The following SPATA6L variants were observed in gnomAD, a reference collection of about 807,000 sequenced individuals.
SPATA6L encodes the protein spermatogenesis associated 6 like, also known as spermatogenesis associated 6-like protein.
Under a neutral mutation model 49.2 loss-of-function variants are expected in SPATA6L, and 68 were observed. The ratio of observed to expected loss-of-function variants is 1.38; its 90% confidence interval spans 1.14 to 1.69. The LOEUF (loss-of-function observed/expected upper bound fraction) is 1.69. SPATA6L is among the 40% of genes most tolerant of loss of function. The probability of loss-of-function intolerance (pLI) is 0.00; values close to 1 mark genes in which losing one functional copy is unlikely to be tolerated. For synonymous variants in SPATA6L, 198 were observed against 165.7 expected, an observed-to-expected ratio of 1.19 and a Z score of -1.50; for missense variants, 668 against 464.3, an observed-to-expected ratio of 1.44 and a Z score of -4.03.
chr9:4,626,445 C>T lies in SPATA6L; in HGVS notation c.430-879G>A, dbSNP rs914187676. 7 of 1,304,198 alleles carry T rather than the reference C, an allele frequency of 5.4e-6. No individual in the cohort carries two copies. The African/African-American group carries it at 1.1e-4, about 20-fold the overall frequency. The allele number at this position is 1,304,198 out of a possible 1,614,324, so 80.8% of individuals were successfully genotyped here. A position where few individuals can be genotyped will look rare whatever the true frequency, so the allele number is the denominator to read the frequency against. Reference sequence around the variant, plus strand: ...TCCCACCTTCGAATTCCTGAAGAAGCATCCAGGAAAGCAGCCCTTCTCCAG... The same window carrying T: ...TCCCACCTTCGAATTCCTGAAGAAGTATCCAGGAAAGCAGCCCTTCTCCAG... On this transcript the variant is annotated intron_variant, in intron 5 of 11. Coordinates refer to ENST00000682582, the MANE Select transcript of SPATA6L (RefSeq NM_001353486.2).
At chr9:4,628,180 A>G (rs1453100300) in intron 5 of SPATA6L, 1 of 199,464 alleles carries the variant, frequency 5.0e-6, no homozygotes, top group African/African-American at 2.4e-5. Flanking sequence ...AATAAGATCT[A>G]GTATTTGATA....
At chr9:4,649,908 C>G (rs554784950) in intron 3 of SPATA6L, among the ~76,000 whole-genome samples, 17 of 152,116 alleles carry the variant, frequency 1.1e-4, no homozygotes, top group Non-Finnish European at 2.2e-4. Flanking sequence ...TTTAAAGAGG[C>G]TTGAGAGAAT....
At chr9:4,638,038 C>T (rs886852867) in intron 3 of SPATA6L, among the ~76,000 whole-genome samples, 1 of 152,076 alleles carries the variant, frequency 6.6e-6, no homozygotes, top group Admixed American at 6.6e-5. Flanking sequence ...TGGATTTACA[C>T]TAGTGAAGAA....
At chr9:4,624,793 C>G (rs1304981726) in intron 6 of SPATA6L, among the ~76,000 whole-genome samples, 1 of 151,730 alleles carries the variant, frequency 6.6e-6, no homozygotes, top group East Asian at 1.9e-4. Flanking sequence ...TTGCCTACCA[C>G]TACCTGAGGA....
chr9:4,628,916 A>T (rs571938494), intron 5 of SPATA6L, 175 bp downstream of exon 5: 2 of 587,544 alleles, frequency 3.4e-6, no homozygotes, highest in Non-Finnish European at 6.0e-6. Context: ...ATACTCTAAT[A>T]TGACTGGCTG....
intron 1 of SPATA6L, chr9:4,665,101 C>T (rs1041524496): frequency 2.7e-4 from 45 of 167,088 alleles, no homozygotes; most frequent in Non-Finnish European, 6.5e-4. Context: ...GTTTTAGTTG[C>T]TGAGGCCTGA....
intron 1 of SPATA6L, chr9:4,664,539 C>G (rs967034595): frequency 6.0e-6 from 1 of 167,022 alleles, no homozygotes; most frequent in Non-Finnish European, 1.5e-5. Flanking sequence ...CCAAAGACCA[C>G]CAAACGCAGG....
At chr9:4,605,804 A>AG (rs2130122316) in intron 9 of SPATA6L, among the ~76,000 whole-genome samples, 1 of 152,290 alleles carries the variant, frequency 6.6e-6, no homozygotes, top group South Asian at 2.1e-4. Context: ...GTTTTCGGGG[A>AG]GAGCCAAGAT....
At chr9:4,606,078 C>G (rs183472383) in intron 9 of SPATA6L, among the ~76,000 whole-genome samples, 2 of 152,248 alleles carry the variant, frequency 1.3e-5, no homozygotes, top group East Asian at 3.9e-4. Flanking sequence ...CGGGTCACTC[C>G]CACCCAAATA....
chr9:4,643,718 A>T (rs561184606), intron 3 of SPATA6L, among the ~76,000 whole-genome samples: 1 of 152,264 alleles, frequency 6.6e-6, no homozygotes, highest in South Asian at 2.1e-4. Flanking sequence ...CAAAATAATG[A>T]TGTAGGCCGG....
At chr9:4,648,750 C>T (rs140844228) in intron 3 of SPATA6L, among the ~76,000 whole-genome samples, 3,956 of 143,310 alleles carry the variant, frequency 0.028, 162 homozygotes, top group African/African-American at 0.097. Context: ...TAGTGGTGAT[C>T]TGTGAGATTT....
chr9:4,663,454 T>A, intron 1 of SPATA6L: 1 of 621,370 alleles, frequency 1.6e-6, no homozygotes, highest in Non-Finnish European at 2.8e-6. Flanking sequence ...ACAGCCATAT[T>A]AGGGAAAGCA....
intron 3 of SPATA6L, among the ~76,000 whole-genome samples, chr9:4,639,239 G>A (rs987908888): frequency 3.0e-4 from 46 of 152,158 alleles, no homozygotes; most frequent in African/African-American, 1.0e-3. Context: ...GTTCCTACTG[G>A]GAACAAACAC....
At chr9:4,619,581 A>T (rs10491730) in intron 7 of SPATA6L, among the ~76,000 whole-genome samples, 12,997 of 152,164 alleles carry the variant, frequency 0.085, 741 homozygotes, top group East Asian at 0.26. Flanking sequence ...AACCTAAAAG[A>T]AAGTACTGTG....
At chr9:4,642,861 G>A (rs916065286) in intron 3 of SPATA6L, among the ~76,000 whole-genome samples, 1 of 151,610 alleles carries the variant, frequency 6.6e-6, no homozygotes, top group Non-Finnish European at 1.5e-5. Flanking sequence ...AGTAATCAAA[G>A]GACAGTGACA....
chr9:4,652,989 CT>C (rs1238273025), intron 3 of SPATA6L, among the ~76,000 whole-genome samples: 4 of 152,172 alleles, frequency 2.6e-5, no homozygotes, highest in Non-Finnish European at 5.9e-5. Flanking sequence ...AATATCCTAG[CT>C]GGCTTCTTTG....
At chr9:4,648,025 G>C (rs926064319) in intron 3 of SPATA6L, among the ~76,000 whole-genome samples, 1 of 152,036 alleles carries the variant, frequency 6.6e-6, no homozygotes, top group Non-Finnish European at 1.5e-5. Flanking sequence ...AGTTGAGATG[G>C]AGTTTCGCCA....
chr9:4,635,227 C>G (rs757754277), intron 4 of SPATA6L, 48 bp downstream of exon 4: 2 of 1,463,442 alleles, frequency 1.4e-6, no homozygotes, highest in South Asian at 3.1e-5. Context: ...GTTCAGGTCC[C>G]AAGAGTTTCT....
At chr9:4,603,984 A>T (rs1824041400) in intron 11 of SPATA6L, among the ~76,000 whole-genome samples, 195 bp downstream of exon 11, 1 of 152,164 alleles carries the variant, frequency 6.6e-6, no homozygotes, top group Admixed American at 6.5e-5. Flanking sequence ...TACAAGAGGA[A>T]GCAAGAGAGC....
Sources: gnomAD v4.1 joint callset for allele counts (sites outside exome capture counted in the v4.1 genomes callset) on GRCh38, gnomAD v4.1.1 for gene constraint, MANE v1.5 for transcripts, NCBI Gene and HGNC (gene_info 2026-07-23, HGNC 2026-07-21) for gene names.